ANKRD26: variants seen among roughly 807,000 people sequenced by gnomAD.
The protein encoded by ANKRD26 is ankyrin repeat domain-containing protein 26.
A neutral mutation model predicts 208.7 loss-of-function variants in ANKRD26; 141 were observed. That is an observed-to-expected ratio of 0.68 (90% CI 0.59 to 0.78). The LOEUF is 0.78. Among genes scored for constraint, ANKRD26 ranks in the 30% least tolerant of loss-of-function variants. ANKRD26 has a pLI of 0.00. For synonymous variants in ANKRD26, 636 were observed against 660.4 expected (o/e 0.96, Z 0.57); for missense variants, 1,889 against 1,938.7 (o/e 0.97, Z 0.48).
At chr10:26,949,555 G>C in the ANKRD26 span, among the ~76,000 whole-genome samples, 3 of 151,990 alleles carry the variant, frequency 2.0e-5, no homozygotes, top group Non-Finnish European at 2.9e-5. Context: ...GCCCAGGCTG[G>C]AGTGCAGTGG....
intron 16 of ANKRD26, chr10:27,052,018 C>T (rs2054679761): frequency 1.0e-6 from 1 of 985,348 alleles, no homozygotes; most frequent in Non-Finnish European, 1.2e-6. Flanking sequence ...TCCTCTCTAT[C>T]ACACTCCTTA....
chr10:27,066,199 T>A (rs768840187), intron 11 of ANKRD26: 3 of 220,976 alleles, frequency 1.4e-5, no homozygotes, highest in Non-Finnish European at 2.6e-5. Flanking sequence ...TAAACTTAAC[T>A]TCAGAACCCA....
intron 12 of ANKRD26, chr10:27,061,989 G>A: frequency 1.0e-6 from 1 of 985,140 alleles, no homozygotes; most frequent in Non-Finnish European, 1.2e-6. Context: ...CTAATCGTCT[G>A]TTTGAGTGTA....
intron 4 of ANKRD26, among the ~76,000 whole-genome samples, chr10:27,089,454 T>C (rs553447237): frequency 2.6e-5 from 4 of 152,338 alleles, no homozygotes; most frequent in East Asian, 1.9e-4. Context: ...TGAATGATAT[T>C]GGGACCCCTA....
chr10:27,006,796 A>G, intron 33 of ANKRD26, 121 bp downstream of exon 33: 1 of 770,932 alleles, frequency 1.3e-6, no homozygotes, highest in South Asian at 1.5e-5. Flanking sequence ...TGTGTAAGAA[A>G]GAACATTTAA....
At chr10:27,061,505 C>T (rs2055054457) in intron 12 of ANKRD26, among the ~76,000 whole-genome samples, 1 of 151,584 alleles carries the variant, frequency 6.6e-6, no homozygotes, top group South Asian at 2.1e-4. Flanking sequence ...AAGAAAAAAG[C>T]CAATGCTTCT....
intron 12 of ANKRD26, chr10:27,062,334 T>C (rs1041095024): frequency 3.5e-6 from 2 of 574,752 alleles, no homozygotes; most frequent in South Asian, 7.6e-5. Context: ...CTTGAATTAT[T>C]GTCCAATGAC....
At chr10:27,094,161 T>C (rs770977364) in intron 1 of ANKRD26, among the ~76,000 whole-genome samples, 2 of 152,170 alleles carry the variant, frequency 1.3e-5, no homozygotes, top group African/African-American at 2.4e-5. Context: ...CTTCTGCCCT[T>C]ATTGTTAAGT....
At chr10:26,972,189 C>T (rs962021905), downstream of ANKRD26, among the ~76,000 whole-genome samples, 29 of 148,624 alleles carry the variant, frequency 2.0e-4, no homozygotes, top group Admixed American at 1.2e-3. Flanking sequence ...GAGCCGAGAT[C>T]GTGCCACTGC....
intron 4 of ANKRD26, chr10:26,995,203 G>C (rs2052564057): frequency 2.1e-6 from 1 of 470,688 alleles, no homozygotes; most frequent in African/African-American, 2.0e-5. Flanking sequence ...AATATTTGGA[G>C]ATAAAAGCAA....
chr10:27,038,712 T>C (rs2054127286), intron 21 of ANKRD26, among the ~76,000 whole-genome samples: 1 of 152,140 alleles, frequency 6.6e-6, no homozygotes, highest in Admixed American at 6.5e-5. Flanking sequence ...GAAAGATCAT[T>C]AAACTAACTA....
intron 27 of ANKRD26, among the ~76,000 whole-genome samples, chr10:27,025,124 G>A (rs2135066826): frequency 6.6e-6 from 1 of 152,044 alleles, no homozygotes; most frequent in South Asian, 2.1e-4. Flanking sequence ...CCTGATTCTT[G>A]TGGCTTTTTT....
rs2134778156 is a variant in ANKRD26 at position 27,004,945 on chromosome 10, A to C, written c.*645T>G. Reference sequence around the variant, plus strand: ...TCCTGACTTGTAGGAATGCCCACTAAAGTAATCAGGGGTGATGACATAATG... The same window carrying C: ...TCCTGACTTGTAGGAATGCCCACTACAGTAATCAGGGGTGATGACATAATG... On this transcript the variant is annotated 3_prime_UTR_variant, in exon 34 of 34. Coordinates refer to ENST00000376087, the MANE Select transcript of ANKRD26 (RefSeq NM_014915.3). 1.4e-6 allele frequency: 1 copy of C among 736,214 alleles called. No individual in the cohort carries two copies. The highest frequency in any genetic ancestry group is 6.2e-5 in the South Asian group (1 of 16,102). The allele number at this position is 736,214 out of a possible 1,614,324, so 45.6% of individuals were successfully genotyped here.
chr10:27,072,479 C>T (rs550172254), intron 9 of ANKRD26, among the ~76,000 whole-genome samples: 133 of 152,284 alleles, frequency 8.7e-4, no homozygotes, highest in Middle Eastern at 6.8e-3. Context: ...AGCCCCCACC[C>T]GGCTTTGCCC....
intron 9 of ANKRD26, among the ~76,000 whole-genome samples, chr10:27,072,900 C>CT (rs1025341671): frequency 4.7e-4 from 72 of 152,330 alleles, no homozygotes; most frequent in African/African-American, 1.6e-3. Context: ...CCTTCCCACC[C>CT]TATCAGAGCA....
intron 26 of ANKRD26, 97 bp from the exon 27 acceptor site, chr10:27,029,042 T>A (rs909266110): frequency 8.8e-7 from 1 of 1,140,942 alleles, no homozygotes; most frequent in East Asian, 2.6e-5. Context: ...TTACATAAAT[T>A]CTTAAAGATT....
At chr10:26,953,001 CAG>C in the ANKRD26 span, among the ~76,000 whole-genome samples, 1 of 152,184 alleles carries the variant, frequency 6.6e-6, no homozygotes, top group African/African-American at 2.4e-5. Context: ...GTATTGATGT[CAG>C]AGTGTTAGCT....
At position 27,040,056 on chromosome 10, in the gene ANKRD26, C is replaced by T. The variant is rs751224252; in HGVS notation, c.2284G>A (p.Val762Ile). The T allele has an allele frequency of 1.2e-5, 20 of 1,613,402 alleles. No homozygotes were observed. In the South Asian group the frequency reaches 2.0e-4, roughly 16 times the overall value. The part of the protein sequence containing the change: ...KIKKMEDKVN[V>I]LQRELSETKE... ...GTTTCAGATAGCTCCCTTTGTAGTA[C>T]ATTAACCTTGTCTTCCATTTTTTTA... The change falls in exon 21 of 34, where the codon GTA (valine) becomes ATA (isoleucine). Residue 762 changes from valine (V) to isoleucine (I), a missense_variant. Val to Ile is a conservative substitution (Grantham distance 29). Around this residue, in one of 3 missense-constraint regions of ANKRD26, gnomAD observed 1,272 missense variants for 1,273.8 expected, o/e 1.00. Coordinates refer to ENST00000376087, the MANE Select transcript of ANKRD26 (RefSeq NM_014915.3).
intron 5 of ANKRD26, among the ~76,000 whole-genome samples, chr10:27,084,977 G>C (rs1564427155): frequency 6.6e-6 from 1 of 151,598 alleles, no homozygotes; most frequent in Non-Finnish European, 1.5e-5. Flanking sequence ...GTTGAGCGCA[G>C]AGTTGAGATA....
Sources: allele counts gnomAD v4.1 joint callset (sites outside exome capture counted in the v4.1 genomes callset), GRCh38; gene constraint gnomAD v4.1.1; regional missense constraint gnomAD v4.1.1; transcripts MANE v1.5; gene names NCBI Gene and HGNC (gene_info 2026-07-23, HGNC 2026-07-21).